Variants in NTRK3 observed in about 807,000 individuals in gnomAD.
The protein encoded by NTRK3 is NT-3 growth factor receptor.
Under a neutral mutation model 91.7 loss-of-function variants are expected in NTRK3, and 24 were observed. The observed-to-expected ratio is 0.26, with a 90% CI of 0.19 to 0.37. The LOEUF is 0.37. NTRK3 is among the 10% of genes least tolerant of loss of function. The pLI, the probability that NTRK3 is intolerant of heterozygous loss-of-function variation, is 1.00. For missense variants in NTRK3, 880 were observed against 1,068.9 expected, an observed-to-expected ratio of 0.82 and a Z score of 2.46; for synonymous variants, 483 against 404.0, an observed-to-expected ratio of 1.20 and a Z score of -2.34.
At chr15:88,224,451 T>A (rs1251785862) in intron 3 of NTRK3, among the ~76,000 whole-genome samples, 1 of 152,200 alleles carries the variant, frequency 6.6e-6, no homozygotes, top group Non-Finnish European at 1.5e-5. Flanking sequence ...ACTCTCTCCT[T>A]CACCTCCCAG....
At chr15:87,873,027 G>T (rs1323109769) in exon 19 of NTRK3, 4 of 232,856 alleles carry the variant, frequency 1.7e-5, no homozygotes, top group African/African-American at 8.8e-5. Context: ...GTACTCTCCC[G>T]GCATGGCTGA....
chr15:87,914,171 T>C (rs2067285751), intron 17 of NTRK3, among the ~76,000 whole-genome samples: 1 of 151,906 alleles, frequency 6.6e-6, no homozygotes, highest in South Asian at 2.1e-4. Context: ...GCTTCCCACA[T>C]GGACTAGCTC....
At position 88,176,132 on chromosome 15, in the gene NTRK3, CCTT is replaced by C. The variant is rs1431306227; in HGVS notation, c.395+7283_395+7285del. ...TGCATGTAATATTTGCCTATATGCC[CCTT>C]CTTTTTTTTTTTTTTTTTTTGAGAC... On this transcript the variant is annotated intron_variant, in intron 5 of 18. Coordinates refer to ENST00000394480, the Ensembl canonical transcript of NTRK3. Among the ~76,000 whole-genome samples, 173 of 136,306 alleles carry C rather than the reference CCTT, an allele frequency of 1.3e-3. 4 individuals carry two copies. The South Asian group carries it at 0.017, about 14-fold the overall frequency. The allele number at this position is 136,306 out of a possible 152,430, so 89.4% of individuals were successfully genotyped here.
chr15:88,077,316 T>A (rs1025147222), intron 13 of NTRK3, among the ~76,000 whole-genome samples: 9 of 152,076 alleles, frequency 5.9e-5, no homozygotes, highest in Non-Finnish European at 1.3e-4. Flanking sequence ...ACCAATGTTT[T>A]ATCTTGAGTC....
At chr15:88,145,551 A>G (rs1275753532) in intron 6 of NTRK3, among the ~76,000 whole-genome samples, 1 of 152,144 alleles carries the variant, frequency 6.6e-6, no homozygotes, top group East Asian at 1.9e-4. Context: ...GAAATCTGAC[A>G]TTTTCTTTAA....
chr15:88,131,351 G>T lies in NTRK3; in HGVS notation c.1205-2617C>A, dbSNP rs373408391. Among the ~76,000 whole-genome samples, 24 of 152,300 alleles carry T rather than the reference G, an allele frequency of 1.6e-4. No individual in the cohort carries two copies. The East Asian group carries it at 4.0e-3, about 26-fold the overall frequency. Reference sequence around the variant, plus strand: ...GCAGATATTCTCTAACTACTTGTGGGGAATCGGATACTTTCTGTGATGGAG... The same window carrying T: ...GCAGATATTCTCTAACTACTTGTGGTGAATCGGATACTTTCTGTGATGGAG... On this transcript the variant is annotated intron_variant, in intron 10 of 18. Coordinates refer to ENST00000394480, the Ensembl canonical transcript of NTRK3.
At chr15:88,054,498 T>C (rs1407241508) in intron 13 of NTRK3, among the ~76,000 whole-genome samples, 1 of 152,170 alleles carries the variant, frequency 6.6e-6, no homozygotes, top group East Asian at 1.9e-4. Context: ...AGAGACATCC[T>C]AGAGTTCATG....
At chr15:88,137,049 C>T (rs2041944371) in intron 7 of NTRK3, among the ~76,000 whole-genome samples, 1 of 152,126 alleles carries the variant, frequency 6.6e-6, no homozygotes, top group Non-Finnish European at 1.5e-5. Context: ...TTTAGAAACT[C>T]CTTAGAAGCT....
exon 19 of NTRK3, chr15:87,873,311 TA>T (rs1469964341): frequency 4.8e-5 from 11 of 229,370 alleles, no homozygotes; most frequent in Non-Finnish European, 8.6e-6. Context: ...GTCTCTTGAC[TA>T]GAGGAGGTTC....
rs530208286 is a variant in NTRK3 at position 88,189,139 on chromosome 15, T to C, written c.249-4840A>G. Among the ~76,000 whole-genome samples, 130 of 152,268 alleles carry C rather than the reference T, an allele frequency of 8.5e-4. 1 individual carries two copies. The highest frequency in any genetic ancestry group is 3.4e-3 in the Middle Eastern group (1 of 294). On this transcript the variant is annotated intron_variant, in intron 3 of 18. Coordinates refer to ENST00000394480, the Ensembl canonical transcript of NTRK3. Reference sequence around the variant, plus strand: ...CCTCAGTGATGTCAAGGTAGACCCCTGGGATCAAGATCTCATGATGCTGCC... The same window carrying C: ...CCTCAGTGATGTCAAGGTAGACCCCCGGGATCAAGATCTCATGATGCTGCC...
intron 17 of NTRK3, among the ~76,000 whole-genome samples, chr15:87,902,490 G>A (rs965958517): frequency 5.3e-5 from 8 of 152,246 alleles, no homozygotes; most frequent in African/African-American, 1.4e-4. Context: ...TCATGGTCTT[G>A]GGCAGACAAA....
At chr15:88,141,028 G>C (rs1055667498) in intron 6 of NTRK3, among the ~76,000 whole-genome samples, 2 of 152,150 alleles carry the variant, frequency 1.3e-5, no homozygotes, top group Non-Finnish European at 2.9e-5. Flanking sequence ...ACTGTCTTTG[G>C]TTGAAAACAG....
intron 3 of NTRK3, among the ~76,000 whole-genome samples, chr15:88,186,359 T>G (rs1435465594): frequency 6.6e-6 from 1 of 152,228 alleles, no homozygotes; most frequent in African/African-American, 2.4e-5. Flanking sequence ...CTCATGTCCT[T>G]ATGCCCACAA....
At chr15:88,029,296 T>C (rs987911951) in intron 14 of NTRK3, among the ~76,000 whole-genome samples, 1 of 152,110 alleles carries the variant, frequency 6.6e-6, no homozygotes, top group Non-Finnish European at 1.5e-5. Flanking sequence ...GGAACATAGG[T>C]GTGGGGATGC....
At chr15:88,183,089 T>C (rs940155399) in intron 5 of NTRK3, among the ~76,000 whole-genome samples, 8 of 142,620 alleles carry the variant, frequency 5.6e-5, no homozygotes, top group African/African-American at 2.1e-4. Flanking sequence ...AAGTATAGTA[T>C]TCACATTACA....
At chr15:87,883,238 T>C (rs1381198537) in intron 17 of NTRK3, among the ~76,000 whole-genome samples, 3 of 149,942 alleles carry the variant, frequency 2.0e-5, no homozygotes, top group African/African-American at 4.9e-5. Flanking sequence ...AAAACTAAAG[T>C]AAGACTAAAT....
At chr15:87,997,472 G>T (rs900976381) in intron 14 of NTRK3, among the ~76,000 whole-genome samples, 1 of 152,004 alleles carries the variant, frequency 6.6e-6, no homozygotes, top group Middle Eastern at 3.2e-3. Context: ...CCCTTCTCCC[G>T]CTTGTTATTC....
At chr15:88,214,152 C>T (rs570886539) in intron 3 of NTRK3, among the ~76,000 whole-genome samples, 7 of 152,126 alleles carry the variant, frequency 4.6e-5, no homozygotes, top group African/African-American at 7.2e-5. Context: ...TAGAGTTTCC[C>T]GGGGCTCCCA....
intron 14 of NTRK3, among the ~76,000 whole-genome samples, chr15:88,025,868 A>G (rs1332662393): frequency 6.6e-6 from 1 of 152,226 alleles, no homozygotes; most frequent in East Asian, 1.9e-4. Context: ...AAAATAAATG[A>G]GAATCGCTTG....
Sources: gnomAD v4.1 joint callset for allele counts (sites outside exome capture counted in the v4.1 genomes callset) on GRCh38, gnomAD v4.1.1 for gene constraint, MANE v1.5 for transcripts, NCBI Gene and HGNC (gene_info 2026-07-23, HGNC 2026-07-21) for gene names.